Variants in MS4A8 observed in about 807,000 individuals in gnomAD.
MS4A8 encodes the protein membrane spanning 4-domains A8, also known as membrane-spanning 4-domains subfamily A member 8.
MS4A8 carries 27 observed loss-of-function variants against 23.7 expected under a neutral mutation model. The observed-to-expected ratio is 1.14, with a 90% confidence interval of 0.84 to 1.57. The LOEUF is 1.57. MS4A8 is among the 40% of genes most tolerant of loss of function. The pLI is 0.00. For missense variants in MS4A8, 301 were observed against 311.4 expected (o/e 0.97, Z 0.25); for synonymous variants, 138 against 126.3 (o/e 1.09, Z -0.62).
rs991385518 is a variant in MS4A8 at position 60,707,372 on chromosome 11, A to G, written c.402+325A>G. Among the ~76,000 whole-genome samples, 3 of 146,462 alleles carry G rather than the reference A, an allele frequency of 2.0e-5. No homozygotes were observed. The Admixed American group carries it at 2.1e-4, about 10-fold the overall frequency. On this transcript the variant is annotated intron_variant, in intron 4 of 6. Transcript: ENST00000300226. Reference sequence around the variant, plus strand: ...AAGAAGCCCTGCCACAGAGAGGCACAGAGCTCCCAGGGGCCCAGGGCTGCC... The same window carrying G: ...AAGAAGCCCTGCCACAGAGAGGCACGGAGCTCCCAGGGGCCCAGGGCTGCC...
chr11:60,715,127 C>A lies in MS4A8; in HGVS notation c.641C>A (p.Ser214Ter), dbSNP rs2088331950. The change falls in exon 6 of 7, where the codon TCA becomes TAA. Residue 214 changes from serine to a stop codon, truncating the protein, a stop_gained. Transcript: ENST00000300226. LOFTEE classifies it low-confidence loss of function (END_TRUNC). ...HFGCQLVCCQ[S>*]SNVSVIYPNI... is the part of the protein sequence containing the mutation. ...GGCTGCCAGTTGGTCTGCTGTCAATCAAGCAATGTGAGTCCCAGGGTTCCT... is the reference window on the plus strand; with the variant it reads ...GGCTGCCAGTTGGTCTGCTGTCAATAAAGCAATGTGAGTCCCAGGGTTCCT... The A allele has an allele frequency of 6.2e-7, 1 of 1,612,358 alleles. No individual in the cohort carries two copies. Among genetic ancestry groups the A allele is most frequent in the Non-Finnish European group, 8.5e-7 (1 of 1,178,510 alleles).
Position 60,701,098 on chromosome 11 carries a change from T to G in MS4A8, c.219+19T>G. 4 of 1,607,390 alleles carry G rather than the reference T, an allele frequency of 2.5e-6. No individual in the cohort carries two copies. The highest frequency in any genetic ancestry group is 3.4e-6 in the Non-Finnish European group (4 of 1,174,438). On this transcript the variant is annotated intron_variant, in intron 2 of 6. Coordinates refer to ENST00000300226, the MANE Select transcript of MS4A8 (RefSeq NM_031457.2). The stretch of plus-strand genomic sequence containing the variant: ...CTTGGGGGTAAGTGAGATTTCCCTT[T>G]GCAGGCCACAGACTGCACAGCTGGA...
In MS4A8 at chr11:60,715,487, C is replaced by T; in HGVS notation, c.*73C>T. 1 of 1,197,396 alleles carries T rather than the reference C, an allele frequency of 8.4e-7. No individual in the cohort carries two copies. The allele number at this position is 1,197,396 out of a possible 1,614,324, so 74.2% of individuals were successfully genotyped here. ...CCTCCCTTTCTGGGCTTCCATAACC[C>T]AGGTCGTTCCTGTTCTGACAGCTGA... On this transcript the variant is annotated 3_prime_UTR_variant, in exon 7 of 7. Coordinates refer to ENST00000300226, the MANE Select transcript of MS4A8 (RefSeq NM_031457.2).
rs201478139 is a variant in MS4A8, at chr11:60,708,755, G to T, written c.508G>T (p.Asp170Tyr). The T allele has an allele frequency of 7.1e-5, 115 of 1,613,666 alleles. No individual in the cohort carries two copies. Among genetic ancestry groups the T allele is most frequent in the Non-Finnish European group, 9.7e-5 (115 of 1,179,872 alleles). Reference sequence around the variant, plus strand: ...TATTCCCCACCCATATGCCTACCCCGACTATTATCCTTACGCCTGGGGTGT... The same window carrying T: ...TATTCCCCACCCATATGCCTACCCCTACTATTATCCTTACGCCTGGGGTGT... ...LSIPHPYAYP[D>Y]YYPYAWGVNP... The change falls in exon 5 of 7, where the codon GAC becomes TAC. Residue 170 changes from aspartate to tyrosine, a missense_variant. Coordinates refer to ENST00000300226, the MANE Select transcript of MS4A8 (RefSeq NM_031457.2).
chr11:60,706,124 G>A (rs2088254199), intron 3 of MS4A8, among the ~76,000 whole-genome samples: 1 of 152,106 alleles, frequency 6.6e-6, no homozygotes, highest in African/African-American at 2.4e-5. Context: ...AAAAATAATT[G>A]CATAATATAC....
At chr11:60,710,511 G>T (rs1397888636) in intron 5 of MS4A8, among the ~76,000 whole-genome samples, 1 of 152,104 alleles carries the variant, frequency 6.6e-6, no homozygotes, top group Non-Finnish European at 1.5e-5. Flanking sequence ...CTTTCAAAAT[G>T]CATTCAGAAT....
At chr11:60,714,918 G>T in intron 5 of MS4A8, 103 bp from the exon 6 acceptor site, 1 of 797,124 alleles carries the variant, frequency 1.3e-6, no homozygotes, top group South Asian at 1.4e-5. Flanking sequence ...GAGGATAGGG[G>T]ACTTCCGCAA....
At chr11:60,703,185 T>C in intron 2 of MS4A8, 193 bp from the exon 3 acceptor site, 1 of 544,640 alleles carries the variant, frequency 1.8e-6, no homozygotes, top group East Asian at 4.0e-5. Flanking sequence ...AATGGGAGAA[T>C]ACACCAAAAT....
At chr11:60,712,425 A>G (rs1429101492) in intron 5 of MS4A8, 4 of 985,352 alleles carry the variant, frequency 4.1e-6, no homozygotes, top group Non-Finnish European at 4.8e-6. Context: ...AAAAGGGGCT[A>G]AGGAGAGGCC....
intron 5 of MS4A8, among the ~76,000 whole-genome samples, chr11:60,709,515 T>G (rs1257825382): frequency 6.6e-6 from 1 of 152,242 alleles, no homozygotes; most frequent in Non-Finnish European, 1.5e-5. Context: ...TATTTTGCAT[T>G]TGGGGAACTA....
chr11:60,700,820 A>C (rs754630693), intron 1 of MS4A8, 40 bp from the exon 2 acceptor site: 1 of 1,606,924 alleles, frequency 6.2e-7, no homozygotes, highest in Admixed American at 1.7e-5. Context: ...GGACAAGTCC[A>C]TATGTGAGGG....
At chr11:60,712,093 A>G in intron 5 of MS4A8, 1 of 287,500 alleles carries the variant, frequency 3.5e-6, no homozygotes, top group South Asian at 3.1e-5. Context: ...AAAAATTGAA[A>G]AAGACCAGCA....
rs1238725780 is a variant in MS4A8 at position 60,706,210 on chromosome 11, C to T, written c.343-778C>T. Among the ~76,000 whole-genome samples the T allele has an allele frequency of 2.0e-5, 3 of 152,126 alleles. No homozygotes were observed. In the East Asian group the frequency reaches 5.8e-4, roughly 29 times the overall value. On this transcript the variant is annotated intron_variant, in intron 3 of 6. Coordinates refer to ENST00000300226, the MANE Select transcript of MS4A8 (RefSeq NM_031457.2). The stretch of plus-strand genomic sequence containing the variant: ...TTCTAAAAAAGCATTTTCTATAGTG[C>T]CCCACAAATGGTAGCTCCTATTAAA...
In MS4A8 at chr11:60,699,783, T is replaced by C. The variant is rs2088185912; in HGVS notation, c.-2+8T>C. 2 of 152,346 alleles carry C rather than the reference T, an allele frequency of 1.3e-5. No individual in the cohort carries two copies. The highest frequency in any genetic ancestry group is 2.1e-4 in the South Asian group (1 of 4,826). 9.4% of individuals were successfully genotyped at this position (152,346 alleles called of 1,614,324 possible). A position where few individuals can be genotyped will look rare whatever the true frequency, so the allele number is the denominator to read the frequency against. ...GGCTGCTGGCAGAGCAAGGTGAGTC[T>C]GCTTAATCTGGTGGTTGGTAACTGG... is the stretch of plus-strand genomic sequence containing the variant. On this transcript the variant is annotated splice_region_variant and intron_variant, in intron 1 of 6. Transcript: ENST00000300226.
chr11:60,708,561 G>T, intron 4 of MS4A8, 89 bp from the exon 5 acceptor site: 1 of 1,352,560 alleles, frequency 7.4e-7, no homozygotes, highest in Non-Finnish European at 9.8e-7. Flanking sequence ...TTTAGAAATT[G>T]GGGGGAAAAA....
At chr11:60,702,174 G>A (rs1434779558) in intron 2 of MS4A8, among the ~76,000 whole-genome samples, 1 of 152,114 alleles carries the variant, frequency 6.6e-6, no homozygotes, top group African/African-American at 2.4e-5. Context: ...AATACATGTA[G>A]CCTACCAAAC....
intron 2 of MS4A8, 113 bp downstream of exon 2, chr11:60,701,192 G>T: frequency 2.0e-6 from 2 of 1,019,004 alleles, no homozygotes; most frequent in South Asian, 1.4e-5. Flanking sequence ...GGGCTGAGTT[G>T]ATCGCGCCTT....
intron 5 of MS4A8, chr11:60,712,306 C>A: frequency 1.0e-6 from 1 of 984,514 alleles, no homozygotes; most frequent in Non-Finnish European, 1.2e-6. Flanking sequence ...TTATAATTAT[C>A]ATCTGCATCT....
intron 2 of MS4A8, chr11:60,703,028 AC>A (rs1157640955): frequency 6.0e-6 from 1 of 167,494 alleles, no homozygotes; most frequent in Non-Finnish European, 1.3e-5. Flanking sequence ...TACTCCACAG[AC>A]CATCCATAAT....
Sources: gnomAD v4.1 joint callset for allele counts (sites outside exome capture counted in the v4.1 genomes callset) on GRCh38, gnomAD v4.1.1 for gene constraint, MANE v1.5 for transcripts, NCBI Gene and HGNC (gene_info 2026-07-23, HGNC 2026-07-21) for gene names.